Variants in DIPK1A observed in about 807,000 individuals in gnomAD.
DIPK1A encodes the protein divergent protein kinase domain 1A.
Under a neutral mutation model 40.8 loss-of-function variants are expected in DIPK1A, and 27 were observed. That is an observed-to-expected ratio of 0.66 (90% CI 0.49 to 0.91). DIPK1A has a LOEUF of 0.91. Ranked by LOEUF, DIPK1A falls within the 40% of genes least tolerant of loss-of-function variation. The probability of loss-of-function intolerance (pLI) is 0.00; values close to 1 mark genes in which losing one functional copy is unlikely to be tolerated. For synonymous variants in DIPK1A, 166 were observed against 171.3 expected (o/e 0.97, Z 0.24); for missense variants, 412 against 505.7 (o/e 0.81, Z 1.78).
At chr1:92,902,944 C>T (rs946220398) in intron 1 of DIPK1A, among the ~76,000 whole-genome samples, 6 of 152,100 alleles carry the variant, frequency 3.9e-5, no homozygotes, top group Non-Finnish European at 8.8e-5. Flanking sequence ...TTGGAGCGTG[C>T]CTGAGTGTTT....
At chr1:92,901,952 C>T (rs1340331050) in intron 1 of DIPK1A, among the ~76,000 whole-genome samples, 1 of 152,128 alleles carries the variant, frequency 6.6e-6, no homozygotes, top group African/African-American at 2.4e-5. Context: ...TACATCAGCT[C>T]AGCCCTGGGA....
At chr1:92,880,535 AAAAAT>A (rs2100783260) in intron 1 of DIPK1A, among the ~76,000 whole-genome samples, 1 of 152,350 alleles carries the variant, frequency 6.6e-6, no homozygotes, top group East Asian at 1.9e-4. Context: ...ATTAAGTTTT[AAAAAT>A]AGGCAGAAAG....
At chr1:92,952,441 G>A (rs1651670194) in intron 1 of DIPK1A, among the ~76,000 whole-genome samples, 1 of 152,090 alleles carries the variant, frequency 6.6e-6, no homozygotes, top group Admixed American at 6.5e-5. Context: ...GCAACATGGT[G>A]AAACCTGGTC....
chr1:92,903,895 AC>A (rs1273839010), intron 1 of DIPK1A, among the ~76,000 whole-genome samples: 3 of 152,280 alleles, frequency 2.0e-5, no homozygotes, highest in African/African-American at 4.8e-5. Context: ...AACATCACCA[AC>A]ACCTATTTAA....
chr1:92,865,989 T>C (rs566966353), intron 2 of DIPK1A, among the ~76,000 whole-genome samples: 1 of 152,318 alleles, frequency 6.6e-6, no homozygotes, highest in South Asian at 2.1e-4. Context: ...TTATAGTCAA[T>C]TAAAAGCCCC....
downstream of DIPK1A, among the ~76,000 whole-genome samples, chr1:92,841,200 A>G (rs571377892): frequency 6.6e-6 from 1 of 152,344 alleles, no homozygotes; most frequent in Admixed American, 6.5e-5. Context: ...TGCACCCACC[A>G]GCCTCTGTAA....
intron 2 of DIPK1A, among the ~76,000 whole-genome samples, chr1:92,874,517 C>T (rs1366636767): frequency 6.6e-6 from 1 of 152,104 alleles, no homozygotes; most frequent in African/African-American, 2.4e-5. Context: ...TACATCTGAC[C>T]AGGGACATAT....
intron 2 of DIPK1A, among the ~76,000 whole-genome samples, chr1:92,872,224 T>C (rs986927320): frequency 6.6e-6 from 1 of 151,770 alleles, no homozygotes; most frequent in Non-Finnish European, 1.5e-5. Context: ...GAATTACAGA[T>C]GTGTGCCACT....
chr1:92,860,626 C>CT (rs1482165116), intron 2 of DIPK1A, among the ~76,000 whole-genome samples: 18 of 12,900 alleles, frequency 1.4e-3, no homozygotes, highest in East Asian at 0.014. Flanking sequence ...CCAATTTCTA[C>CT]TAAAAAAAAA....
chr1:92,917,447 T>C (rs1038971676), intron 1 of DIPK1A, among the ~76,000 whole-genome samples: 2 of 152,204 alleles, frequency 1.3e-5, no homozygotes, highest in East Asian at 1.9e-4. Flanking sequence ...CCTGAAATGG[T>C]AGAAAAGGCT....
intron 4 of DIPK1A, chr1:92,846,282 T>C (rs1271286127): frequency 1.9e-5 from 3 of 154,002 alleles, no homozygotes; most frequent in African/African-American, 7.2e-5. Context: ...CAGTTATCAT[T>C]GTGTTGTGAA....
At chr1:92,904,543 T>C (rs564687192) in intron 1 of DIPK1A, among the ~76,000 whole-genome samples, 1 of 152,282 alleles carries the variant, frequency 6.6e-6, no homozygotes, top group African/African-American at 2.4e-5. Context: ...CGGTACATTA[T>C]AGGTGTATAT....
downstream of DIPK1A, among the ~76,000 whole-genome samples, chr1:92,838,945 A>G (rs544529772): frequency 3.3e-5 from 5 of 152,150 alleles, no homozygotes; most frequent in Non-Finnish European, 7.4e-5. Flanking sequence ...TCACATCTCC[A>G]CATTGATTGA....
rs534052379 is a variant in DIPK1A at position 92,946,830 on chromosome 1, A to G, written c.54+14546T>C. On this transcript the variant is annotated intron_variant, in intron 1 of 4. Transcript: ENST00000370310. ...CTGGTGGCACTTGTCTATGGTCCCA[A>G]CTACTTGGGAGGCTGAGGTGGGAGG... Among the ~76,000 whole-genome samples, 27 of 151,932 alleles carry G rather than the reference A, an allele frequency of 1.8e-4. No individual in the cohort carries two copies. The East Asian group carries it at 3.7e-3, about 21-fold the overall frequency.
chr1:92,945,760 G>C (rs17131674), intron 1 of DIPK1A, among the ~76,000 whole-genome samples: 4,631 of 152,288 alleles, frequency 0.03, 206 homozygotes, highest in African/African-American at 0.1. Flanking sequence ...AACTCCAGAA[G>C]AAGCTCAGTT....
chr1:92,833,453 G>A lies in DIPK1A; in HGVS notation c.475-419C>T, dbSNP rs1182717955. 3.7e-6 allele frequency: 6 copies of A among 1,613,848 alleles called. No individual in the cohort carries two copies. Among genetic ancestry groups the A allele is most frequent in the Non-Finnish European group, 5.1e-6 (6 of 1,179,904 alleles). The stretch of plus-strand genomic sequence containing the variant: ...AGATACCAAGTGAAATTTAGAAGAC[G>A]ACGAGGTACTGTCACCTTTTTGTGT... On this transcript the variant is annotated intron_variant, in intron 4 of 4. Coordinates refer to the DIPK1A transcript ENST00000615519.
chr1:92,858,414 T>C (rs10874746), intron 2 of DIPK1A, among the ~76,000 whole-genome samples: 92,256 of 152,042 alleles, frequency 0.61, 29,296 homozygotes, highest in East Asian at 0.94. Flanking sequence ...GGCAGATACT[T>C]GGTTACATTC....
intron 2 of DIPK1A, among the ~76,000 whole-genome samples, chr1:92,860,783 CA>C (rs908077366): frequency 6.2e-5 from 9 of 145,774 alleles, no homozygotes; most frequent in African/African-American, 2.3e-4. Flanking sequence ...GACTGCATCT[CA>C]AAAAAAAGAA....
chr1:92,853,296 T>C (rs958079153), intron 2 of DIPK1A, among the ~76,000 whole-genome samples: 6 of 152,202 alleles, frequency 3.9e-5, no homozygotes, highest in African/African-American at 1.4e-4. Context: ...CTTTAATCTA[T>C]AGATTGAAAG....
Sources: gnomAD v4.1 joint callset for allele counts (sites outside exome capture counted in the v4.1 genomes callset) on GRCh38, gnomAD v4.1.1 for gene constraint, MANE v1.5 for transcripts, NCBI Gene and HGNC (gene_info 2026-07-23, HGNC 2026-07-21) for gene names.